Variants in SLC14A2 observed in about 807,000 individuals in gnomAD.
SLC14A2 encodes solute carrier family 14 member 2.
SLC14A2 carries 91 observed loss-of-function variants against 104.6 expected under a neutral mutation model. The observed-to-expected ratio is 0.87, with a 90% CI of 0.73 to 1.04. SLC14A2 has a LOEUF of 1.04. SLC14A2 is among the 50% of genes least tolerant of loss of function. The pLI, the probability that SLC14A2 is intolerant of heterozygous loss-of-function variation, is 0.00. For synonymous variants in SLC14A2, 476 were observed against 466.4 expected (o/e 1.02, Z -0.27); for missense variants, 1,189 against 1,156.0 (o/e 1.03, Z -0.41).
chr18:45,473,078 T>G (rs144776803), intron 1 of SLC14A2, among the ~76,000 whole-genome samples: 304 of 152,328 alleles, frequency 2.0e-3, no homozygotes, highest in African/African-American at 7.0e-3. Flanking sequence ...GGGGTCCAGG[T>G]TCAGTTTTCT....
chr18:45,263,809 G>T (rs895655077), intron 1 of SLC14A2, among the ~76,000 whole-genome samples: 1 of 152,106 alleles, frequency 6.6e-6, no homozygotes, highest in Non-Finnish European at 1.5e-5. Flanking sequence ...CTTGCTTTTA[G>T]CCACTGCAAT....
intron 2 of SLC14A2, among the ~76,000 whole-genome samples, chr18:45,574,989 A>G (rs2044399108): frequency 1.3e-5 from 2 of 152,220 alleles, no homozygotes; most frequent in South Asian, 4.1e-4. Context: ...AGAAAGATGA[A>G]GCAAGGAGGA....
intron 2 of SLC14A2, among the ~76,000 whole-genome samples, chr18:45,567,625 C>T (rs2044284884): frequency 6.6e-6 from 1 of 152,126 alleles, no homozygotes; most frequent in Admixed American, 6.5e-5. Context: ...GTGTGACCAT[C>T]CTGGGGAGTG....
intron 1 of SLC14A2, among the ~76,000 whole-genome samples, chr18:45,298,786 T>C (rs573653752): frequency 2.6e-5 from 4 of 152,316 alleles, no homozygotes; most frequent in African/African-American, 7.2e-5. Context: ...GAGGATTCTC[T>C]GACCTAATTC....
chr18:45,231,694 CA>C lies in SLC14A2; in HGVS notation c.-125+18504del. 2.0e-5 allele frequency among the ~76,000 whole-genome samples: 3 copies of C among 152,288 alleles called. No individual in the cohort carries two copies. The South Asian group carries it at 6.2e-4, about 32-fold the overall frequency. On this transcript the variant is annotated intron_variant, in intron 1 of 20. Coordinates refer to the SLC14A2 transcript ENST00000586448. ...CTTTAATATGGCCATATGCAAATGGCATGATCAATAATAGTGCTGGCAAGTG... is the reference window on the plus strand; with the variant it reads ...CTTTAATATGGCCATATGCAAATGGCTGATCAATAATAGTGCTGGCAAGTG...
At chr18:45,436,096 G>A (rs149656881) in intron 1 of SLC14A2, among the ~76,000 whole-genome samples, 27 of 152,190 alleles carry the variant, frequency 1.8e-4, no homozygotes, top group Non-Finnish European at 3.2e-4. Context: ...AACACACTTC[G>A]AGTTTTGTGT....
chr18:45,380,441 G>A (rs1038599008), intron 1 of SLC14A2, among the ~76,000 whole-genome samples: 1 of 152,110 alleles, frequency 6.6e-6, no homozygotes, highest in Admixed American at 6.5e-5. Flanking sequence ...GGTGATATGG[G>A]GAAGGGTCTA....
chr18:45,229,426 G>C (rs2084152757), intron 1 of SLC14A2, among the ~76,000 whole-genome samples: 1 of 151,322 alleles, frequency 6.6e-6, no homozygotes, highest in Admixed American at 6.6e-5. Flanking sequence ...TTGTTTGTTT[G>C]TTTGTTTAAA....
chr18:45,229,149 C>T (rs553147578), intron 1 of SLC14A2, among the ~76,000 whole-genome samples: 6 of 152,166 alleles, frequency 3.9e-5, no homozygotes, highest in East Asian at 1.9e-4. Context: ...CAATAAAATA[C>T]GTTCAAGGAC....
At chr18:45,591,475 C>T (rs138332902) in intron 2 of SLC14A2, among the ~76,000 whole-genome samples, 2,629 of 152,256 alleles carry the variant, frequency 0.017, 76 homozygotes, top group African/African-American at 0.058. Context: ...GCTGGGATTA[C>T]AGGTGCCCAC....
chr18:45,308,023 G>A lies in SLC14A2; in HGVS notation c.-125+94832G>A, dbSNP rs1316375664. 2.0e-5 allele frequency among the ~76,000 whole-genome samples: 3 copies of A among 152,170 alleles called. No individual in the cohort carries two copies. The East Asian group carries it at 5.8e-4, about 29-fold the overall frequency. On this transcript the variant is annotated intron_variant, in intron 1 of 20. Coordinates refer to the SLC14A2 transcript ENST00000586448. Reference sequence around the variant, plus strand: ...AAGAATGGGAGCCCGAGAGAGATGAGAGAGGGGCCACGCTGTTTTAAATAG... The same window carrying A: ...AAGAATGGGAGCCCGAGAGAGATGAAAGAGGGGCCACGCTGTTTTAAATAG...
chr18:45,443,316 T>A lies in SLC14A2; in HGVS notation c.-124-39917T>A, dbSNP rs1041489486. Among the ~76,000 whole-genome samples, 8 of 152,360 alleles carry A rather than the reference T, an allele frequency of 5.3e-5. No homozygotes were observed. In the East Asian group the frequency reaches 9.6e-4, roughly 18 times the overall value. Reference sequence around the variant, plus strand: ...ATGCAGGGAAAACTGTCTATTTTTATGCTTAGGTTCAGCAAAGTAAGGATA... The same window carrying A: ...ATGCAGGGAAAACTGTCTATTTTTAAGCTTAGGTTCAGCAAAGTAAGGATA... On this transcript the variant is annotated intron_variant, in intron 1 of 20. Coordinates refer to the SLC14A2 transcript ENST00000586448.
chr18:45,664,643 A>G (rs1203290426), intron 11 of SLC14A2, among the ~76,000 whole-genome samples: 1 of 152,218 alleles, frequency 6.6e-6, no homozygotes, highest in Non-Finnish European at 1.5e-5. Flanking sequence ...AGTTAGTGCA[A>G]CATCACATGC....
intron 4 of SLC14A2, among the ~76,000 whole-genome samples, chr18:45,632,142 TG>T (rs2045354855): frequency 2.6e-5 from 3 of 116,392 alleles, no homozygotes; most frequent in Non-Finnish European, 4.0e-5. Context: ...TGTGTGTGTG[TG>T]TTTGTGTGTG....
chr18:45,426,997 T>C (rs2086442852), intron 1 of SLC14A2, among the ~76,000 whole-genome samples: 1 of 152,148 alleles, frequency 6.6e-6, no homozygotes, highest in Non-Finnish European at 1.5e-5. Flanking sequence ...TCATCTTTTC[T>C]CAACATAGAG....
At chr18:45,584,377 A>G (rs1259516719) in intron 2 of SLC14A2, among the ~76,000 whole-genome samples, 1 of 152,216 alleles carries the variant, frequency 6.6e-6, no homozygotes, top group East Asian at 1.9e-4. Flanking sequence ...CCTACGCCAC[A>G]TGCCCACACT....
chr18:45,344,166 A>T (rs946550615), intron 1 of SLC14A2, among the ~76,000 whole-genome samples: 11 of 152,154 alleles, frequency 7.2e-5, no homozygotes, highest in African/African-American at 2.2e-4. Flanking sequence ...ACAATCTCCC[A>T]TGTATCTCCT....
chr18:45,517,077 C>A (rs2043451380), intron 2 of SLC14A2, among the ~76,000 whole-genome samples: 1 of 152,188 alleles, frequency 6.6e-6, no homozygotes. Context: ...CTGGCAGGGT[C>A]CCTGCTCTCC....
intron 1 of SLC14A2, among the ~76,000 whole-genome samples, chr18:45,297,065 G>C (rs1667203740): frequency 1.3e-5 from 2 of 152,144 alleles, no homozygotes; most frequent in African/African-American, 4.8e-5. Flanking sequence ...TACAATGCTG[G>C]AAGAAGGAAA....
Sources: gnomAD v4.1 joint callset for allele counts (sites outside exome capture counted in the v4.1 genomes callset) on GRCh38, gnomAD v4.1.1 for gene constraint, MANE v1.5 for transcripts, NCBI Gene and HGNC (gene_info 2026-07-23, HGNC 2026-07-21) for gene names.